NEK1: variants seen among roughly 807,000 people sequenced by gnomAD.
NEK1 encodes NIMA related kinase 1, also known as serine/threonine-protein kinase Nek1.
A neutral mutation model predicts 182.1 loss-of-function variants in NEK1; 137 were observed. The observed-to-expected ratio is 0.75, with a 90% CI of 0.65 to 0.87. The LOEUF (loss-of-function observed/expected upper bound fraction) is 0.87. Among genes scored for constraint, NEK1 ranks in the 40% least tolerant of loss-of-function variants. The pLI is 0.00. For synonymous variants in NEK1, 513 were observed against 492.2 expected (o/e 1.04, Z -0.56); for missense variants, 1,391 against 1,494.4 (o/e 0.93, Z 1.14).
chr4:169,455,447 A>T (rs1308892616), intron 27 of NEK1, among the ~76,000 whole-genome samples: 2 of 152,324 alleles, frequency 1.3e-5, no homozygotes, highest in Non-Finnish European at 2.9e-5. Flanking sequence ...ATAGAAACCA[A>T]AAAAGGGCAG....
At chr4:169,604,882 C>T (rs970012431) in intron 2 of NEK1, among the ~76,000 whole-genome samples, 1 of 152,162 alleles carries the variant, frequency 6.6e-6, no homozygotes, top group Admixed American at 6.5e-5. Context: ...ATTTTAGCAT[C>T]AGTGAGTTAA....
intron 23 of NEK1, among the ~76,000 whole-genome samples, chr4:169,494,135 CAT>C (rs914652671): frequency 2.7e-5 from 4 of 150,168 alleles, no homozygotes; most frequent in African/African-American, 7.4e-5. Context: ...TTTTAGGGAA[CAT>C]GTGCACAACG....
chr4:169,527,103 A>G (rs1757002152), intron 19 of NEK1, among the ~76,000 whole-genome samples: 1 of 152,224 alleles, frequency 6.6e-6, no homozygotes, highest in Non-Finnish European at 1.5e-5. Context: ...GAGAAAAAGC[A>G]TTTGAACATT....
At chr4:169,424,101 C>T (rs1561161657) in intron 31 of NEK1, among the ~76,000 whole-genome samples, 2 of 152,018 alleles carry the variant, frequency 1.3e-5, no homozygotes, top group East Asian at 1.9e-4. Context: ...AAATTGGTTA[C>T]ATATATTCAA....
At chr4:169,434,872 TTC>T (rs2149414892) in intron 28 of NEK1, among the ~76,000 whole-genome samples, 1 of 152,344 alleles carries the variant, frequency 6.6e-6, no homozygotes, top group South Asian at 2.1e-4. Flanking sequence ...TAATGAATAA[TTC>T]TGTTTCCTAG....
intron 23 of NEK1, among the ~76,000 whole-genome samples, chr4:169,497,750 T>C (rs1005519405): frequency 1.3e-5 from 2 of 152,272 alleles, no homozygotes; most frequent in Non-Finnish European, 2.9e-5. Flanking sequence ...TCTAGTCTGA[T>C]TGCACTGTGG....
At chr4:169,591,697 A>G (rs1561474093) in intron 5 of NEK1, among the ~76,000 whole-genome samples, 1 of 152,180 alleles carries the variant, frequency 6.6e-6, no homozygotes, top group African/African-American at 2.4e-5. Context: ...ATAATAAAAG[A>G]AAACATAGGT....
intron 18 of NEK1, among the ~76,000 whole-genome samples, chr4:169,540,836 T>C (rs891035620): frequency 6.6e-6 from 1 of 151,934 alleles, no homozygotes; most frequent in African/African-American, 2.4e-5. Flanking sequence ...ATAGTGTTCT[T>C]TTATCAATAA....
chr4:169,553,854 G>A (rs1421240688), intron 18 of NEK1, among the ~76,000 whole-genome samples: 2 of 152,212 alleles, frequency 1.3e-5, no homozygotes, highest in Non-Finnish European at 2.9e-5. Context: ...TGCTGGAGAG[G>A]ATGTGGGGCA....
At chr4:169,521,496 G>C in intron 19 of NEK1, among the ~76,000 whole-genome samples, 1 of 152,162 alleles carries the variant, frequency 6.6e-6, no homozygotes, top group South Asian at 2.1e-4. Context: ...GCTGTAGACC[G>C]GAGCTGTTCC....
intron 10 of NEK1, among the ~76,000 whole-genome samples, chr4:169,584,604 C>T (rs1255193158): frequency 6.6e-6 from 1 of 151,976 alleles, no homozygotes; most frequent in African/African-American, 2.4e-5. Context: ...AGAACTACAA[C>T]CTGTCTCAAA....
At chr4:169,595,418 T>C (rs920374561) in intron 5 of NEK1, among the ~76,000 whole-genome samples, 4 of 152,320 alleles carry the variant, frequency 2.6e-5, no homozygotes, top group African/African-American at 7.2e-5. Context: ...TTGATCTTAA[T>C]AATTTACTCA....
At chr4:169,544,333 G>C (rs1759991912) in intron 18 of NEK1, among the ~76,000 whole-genome samples, 2 of 152,164 alleles carry the variant, frequency 1.3e-5, no homozygotes, top group South Asian at 4.1e-4. Flanking sequence ...GATCATGGTG[G>C]ATAAGCTTTT....
At chr4:169,527,017 T>A (rs1756988233) in intron 19 of NEK1, among the ~76,000 whole-genome samples, 1 of 152,148 alleles carries the variant, frequency 6.6e-6, no homozygotes, top group Non-Finnish European at 1.5e-5. Context: ...AGAGATGACT[T>A]AATCATACTG....
chr4:169,434,028 G>T (rs1331157304), intron 28 of NEK1, among the ~76,000 whole-genome samples: 1 of 151,972 alleles, frequency 6.6e-6, no homozygotes, highest in Non-Finnish European at 1.5e-5. Flanking sequence ...TTTGTGGTTA[G>T]AAATATGGAA....
At chr4:169,572,873 C>T (rs1480879733) in intron 12 of NEK1, among the ~76,000 whole-genome samples, 1 of 151,960 alleles carries the variant, frequency 6.6e-6, no homozygotes, top group Non-Finnish European at 1.5e-5. Context: ...ACAGCTGTGA[C>T]AAAGAAAGCC....
intron 23 of NEK1, among the ~76,000 whole-genome samples, chr4:169,501,139 A>G (rs1175700845): frequency 6.6e-6 from 1 of 152,232 alleles, no homozygotes; most frequent in African/African-American, 2.4e-5. Flanking sequence ...AATCAACAAC[A>G]GTACAAAAGG....
In NEK1 at chr4:169,603,515, T is replaced by A. The variant is rs62334511; in HGVS notation, c.-48-837A>T. Among the ~76,000 whole-genome samples the A allele has an allele frequency of 9.9e-3, 1,515 of 152,282 alleles. 13 individuals are homozygous for A. Among genetic ancestry groups the A allele is most frequent in the Non-Finnish European group, 0.016 (1,061 of 68,008 alleles). On this transcript the variant is annotated intron_variant, in intron 2 of 35. Transcript: ENST00000507142. Reference sequence around the variant, plus strand: ...AAATGTGAATAACCATAGTACATATTTACAGAAGTGTTGGAAGAATTAGTT... The same window carrying A: ...AAATGTGAATAACCATAGTACATATATACAGAAGTGTTGGAAGAATTAGTT...
intron 26 of NEK1, among the ~76,000 whole-genome samples, chr4:169,468,153 T>C (rs1312781875): frequency 2.0e-5 from 3 of 152,126 alleles, no homozygotes; most frequent in Admixed American, 6.6e-5. Flanking sequence ...AAAATCATTA[T>C]GCTTTCAGCC....
Sources: allele counts gnomAD v4.1 joint callset (sites outside exome capture counted in the v4.1 genomes callset), GRCh38; gene constraint gnomAD v4.1.1; transcripts MANE v1.5; gene names NCBI Gene and HGNC (gene_info 2026-07-23, HGNC 2026-07-21).